MAGI3: variants seen among roughly 807,000 people sequenced by gnomAD.
The protein encoded by MAGI3 is membrane-associated guanylate kinase, WW and PDZ domain-containing protein 3.
A neutral mutation model predicts 121.8 loss-of-function variants in MAGI3; 43 were observed. That is an observed-to-expected ratio of 0.35 (90% confidence interval 0.28 to 0.46). The LOEUF (loss-of-function observed/expected upper bound fraction) is 0.46, where lower values mean the gene tolerates loss of function less well. MAGI3 is among the 20% of genes least tolerant of loss of function. The pLI is 1.00. For missense variants in MAGI3, 1,547 were observed against 1,797.3 expected, an observed-to-expected ratio of 0.86 and a Z score of 2.52; for synonymous variants, 553 against 639.3, an observed-to-expected ratio of 0.86 and a Z score of 2.04.
In MAGI3 at chr1:113,542,600, G is replaced by A. The variant is rs114803700; in HGVS notation, c.317-6915G>A. 3.3e-3 allele frequency among the ~76,000 whole-genome samples: 500 copies of A among 152,268 alleles called. 3 individuals carry two copies. Among genetic ancestry groups the A allele is most frequent in the African/African-American group, 0.011 (456 of 41,542 alleles). Reference sequence around the variant, plus strand: ...CTTTGGGCTCACTCTCATTCACTGCGTTTAGCCCTAAGTACCTACTCCTCA... The same window carrying A: ...CTTTGGGCTCACTCTCATTCACTGCATTTAGCCCTAAGTACCTACTCCTCA... On this transcript the variant is annotated intron_variant, in intron 1 of 20. Coordinates refer to ENST00000307546, the MANE Select transcript of MAGI3 (RefSeq NM_001142782.2).
Position 113,685,292 on chromosome 1 carries a change from T to A in MAGI3, c.*1278T>A, listed in dbSNP as rs561171435. The A allele has an allele frequency of 1.5e-4, 23 of 152,504 alleles. No individual in the cohort carries two copies. Among genetic ancestry groups the A allele is most frequent in the African/African-American group, 5.5e-4 (23 of 41,588 alleles). 9.4% of individuals were successfully genotyped at this position (152,504 alleles called of 1,614,324 possible). On this transcript the variant is annotated 3_prime_UTR_variant, in exon 21 of 21. Coordinates refer to ENST00000307546, the MANE Select transcript of MAGI3 (RefSeq NM_001142782.2). The stretch of plus-strand genomic sequence containing the variant: ...CAACTTCCATAAAATAGATCCAGGT[T>A]TTTCAGTTCCCTGAAGCAGCATTCA...
At chr1:113,586,873 C>G (rs1361316830) in intron 4 of MAGI3, among the ~76,000 whole-genome samples, 1 of 152,090 alleles carries the variant, frequency 6.6e-6, no homozygotes, top group Non-Finnish European at 1.5e-5. Context: ...TGTTTGTAAT[C>G]TCTATAGTTG....
chr1:113,660,303 A>G (rs1653711159), intron 16 of MAGI3, among the ~76,000 whole-genome samples: 1 of 151,740 alleles, frequency 6.6e-6, no homozygotes, highest in African/African-American at 2.4e-5. Context: ...CTCTTCTCAG[A>G]CTCTGCTGAT....
At chr1:113,599,048 G>A (rs1004171668) in intron 6 of MAGI3, among the ~76,000 whole-genome samples, 10 of 152,030 alleles carry the variant, frequency 6.6e-5, no homozygotes, top group Non-Finnish European at 1.2e-4. Context: ...CTTTGTTCTC[G>A]TTGGTTTCAA....
At chr1:113,583,151 T>A (rs1648137176) in intron 3 of MAGI3, among the ~76,000 whole-genome samples, 1 of 151,252 alleles carries the variant, frequency 6.6e-6, no homozygotes, top group African/African-American at 2.4e-5. Context: ...TTATTTATTT[T>A]TATTATTATT....
chr1:113,641,840 T>C, intron 9 of MAGI3, 71 bp from the exon 10 acceptor site: 1 of 1,419,518 alleles, frequency 7.0e-7, no homozygotes, highest in South Asian at 1.5e-5. Flanking sequence ...TGTAGTTATT[T>C]TTGCCCCTCT....
chr1:113,589,373 G>A (rs1478220543), intron 4 of MAGI3, among the ~76,000 whole-genome samples: 1 of 152,084 alleles, frequency 6.6e-6, no homozygotes, highest in South Asian at 2.1e-4. Context: ...AAGTAAACTT[G>A]TCAATATTGC....
At chr1:113,606,299 G>A (rs10858011) in intron 6 of MAGI3, among the ~76,000 whole-genome samples, 34,226 of 151,950 alleles carry the variant, frequency 0.23, 4,873 homozygotes, top group East Asian at 0.64. Context: ...TTTTTATACC[G>A]TAGTTGTTTA....
intron 1 of MAGI3, among the ~76,000 whole-genome samples, chr1:113,511,331 A>G (rs1657604470): frequency 6.6e-6 from 1 of 152,244 alleles, no homozygotes; most frequent in Admixed American, 6.5e-5. Context: ...ATTTAAAACT[A>G]AGTTAAATAG....
intron 1 of MAGI3, among the ~76,000 whole-genome samples, chr1:113,488,606 A>G (rs1656515283): frequency 6.6e-6 from 1 of 152,146 alleles, no homozygotes; most frequent in Admixed American, 6.5e-5. Context: ...CCCCTAACCC[A>G]TGGCAACTTA....
chr1:113,457,308 G>A (rs1654807791), intron 1 of MAGI3, among the ~76,000 whole-genome samples: 1 of 152,136 alleles, frequency 6.6e-6, no homozygotes, highest in Admixed American at 6.5e-5. Flanking sequence ...TTCAGGAAAG[G>A]AATTTGGAGG....
chr1:113,551,514 T>C (rs1659788156), intron 2 of MAGI3, among the ~76,000 whole-genome samples: 1 of 152,240 alleles, frequency 6.6e-6, no homozygotes, highest in Admixed American at 6.5e-5. Context: ...TCTGCCTCCT[T>C]ATCTATGATT....
chr1:113,561,825 C>T (rs1320258633), intron 2 of MAGI3, among the ~76,000 whole-genome samples: 1 of 152,084 alleles, frequency 6.6e-6, no homozygotes, highest in African/African-American at 2.4e-5. Flanking sequence ...TCAAACTATC[C>T]CTGTTTGCCG....
intron 1 of MAGI3, among the ~76,000 whole-genome samples, chr1:113,514,556 A>G (rs1372657533): frequency 6.6e-6 from 1 of 151,610 alleles, no homozygotes; most frequent in Non-Finnish European, 1.5e-5. Flanking sequence ...ATTCTCACTC[A>G]TAGGTGGGAA....
chr1:113,606,027 G>A (rs987051367), intron 6 of MAGI3, among the ~76,000 whole-genome samples: 2 of 151,888 alleles, frequency 1.3e-5, no homozygotes, highest in African/African-American at 4.8e-5. Context: ...GTGCAGTGGC[G>A]CAATCTCTGC....
intron 1 of MAGI3, among the ~76,000 whole-genome samples, chr1:113,411,414 C>T (rs1651975208): frequency 1.3e-5 from 2 of 151,646 alleles, no homozygotes; most frequent in African/African-American, 4.8e-5. Flanking sequence ...GTAGGCATCT[C>T]TTACTGTATT....
intron 1 of MAGI3, among the ~76,000 whole-genome samples, chr1:113,505,561 ATGTCAGATCAC>A (rs1657286496): frequency 6.8e-6 from 1 of 147,506 alleles, no homozygotes; most frequent in Non-Finnish European, 1.5e-5. Context: ...TAAATATATA[ATGTCAGATCAC>A]ATAAAAGCTA....
intron 2 of MAGI3, among the ~76,000 whole-genome samples, chr1:113,577,246 A>G (rs1290557668): frequency 6.6e-6 from 1 of 152,172 alleles, no homozygotes; most frequent in African/African-American, 2.4e-5. Flanking sequence ...CAGTTATGTC[A>G]AATGTTATTC....
At position 113,681,282 on chromosome 1, in the gene MAGI3, G is replaced by C; in HGVS notation, c.3274G>C (p.Gly1092Arg). The C allele has an allele frequency of 6.2e-7, 1 of 1,614,098 alleles. No individual in the cohort carries two copies. Among genetic ancestry groups the C allele is most frequent in the Non-Finnish European group, 8.5e-7 (1 of 1,180,014 alleles). ...AGCAATTGAGCTCATTCAGGCTGGTGGAAATAAAGTTCTTCTTCTTTTGAG... is the reference window on the plus strand; with the variant it reads ...AGCAATTGAGCTCATTCAGGCTGGTCGAAATAAAGTTCTTCTTCTTTTGAG... Reference protein sequence around the residue: ...TRAIELIQAGGNKVLLLLRPG... With the variant: ...TRAIELIQAGRNKVLLLLRPG... The change falls in exon 20 of 21, where the codon GGA (glycine) becomes CGA (arginine). Residue 1092 changes from glycine (G) to arginine (R), a missense_variant. Coordinates refer to ENST00000307546, the MANE Select transcript of MAGI3 (RefSeq NM_001142782.2).
Sources: gnomAD v4.1 joint callset for allele counts (sites outside exome capture counted in the v4.1 genomes callset) on GRCh38, gnomAD v4.1.1 for gene constraint, MANE v1.5 for transcripts, NCBI Gene and HGNC (gene_info 2026-07-23, HGNC 2026-07-21) for gene names.